The following MCTP1 variants were observed in gnomAD, a reference collection of about 807,000 sequenced individuals.
The protein encoded by MCTP1 is multiple C2 and transmembrane domain-containing protein 1.
Under a neutral mutation model 120.6 loss-of-function variants are expected in MCTP1, and 69 were observed. That is an observed-to-expected ratio of 0.57 (90% CI 0.47 to 0.70). The LOEUF is 0.70. Among genes scored for constraint, MCTP1 ranks in the 30% least tolerant of loss-of-function variants. The pLI is 0.00. For synonymous variants in MCTP1, 529 were observed against 493.1 expected, an observed-to-expected ratio of 1.07 and a Z score of -0.96; for missense variants, 1,203 against 1,248.8, an observed-to-expected ratio of 0.96 and a Z score of 0.55.
intron 1 of MCTP1, among the ~76,000 whole-genome samples, chr5:95,103,916 C>T (rs868203694): frequency 2.0e-5 from 3 of 152,072 alleles, no homozygotes; most frequent in South Asian, 2.1e-4. Flanking sequence ...AAAGGTTAAA[C>T]GTGTAAGATT....
At chr5:95,185,798 C>T (rs1423718504) in intron 1 of MCTP1, among the ~76,000 whole-genome samples, 1 of 152,038 alleles carries the variant, frequency 6.6e-6, no homozygotes, top group Non-Finnish European at 1.5e-5. Context: ...GAGTTTGAGA[C>T]CAGCCTGGCC....
At chr5:94,798,944 A>G in intron 18 of MCTP1, 69 bp downstream of exon 18, 1 of 1,518,382 alleles carries the variant, frequency 6.6e-7, no homozygotes, top group South Asian at 1.2e-5. Context: ...GCCAAATTCA[A>G]TGTTGATCTT....
intron 8 of MCTP1, among the ~76,000 whole-genome samples, chr5:94,913,374 G>T (rs1318172663): frequency 2.6e-5 from 4 of 152,114 alleles, no homozygotes; most frequent in Non-Finnish European, 5.9e-5. Flanking sequence ...ACTATTTATG[G>T]TGTTTGAAGA....
intron 2 of MCTP1, among the ~76,000 whole-genome samples, chr5:94,988,152 T>C (rs191972035): frequency 1.9e-4 from 29 of 152,326 alleles, no homozygotes; most frequent in Non-Finnish European, 3.2e-4. Flanking sequence ...TACTTTAACA[T>C]TGTTTCACTA....
intron 1 of MCTP1, among the ~76,000 whole-genome samples, chr5:95,049,050 T>A (rs1045571517): frequency 2.6e-5 from 4 of 152,154 alleles, no homozygotes; most frequent in Non-Finnish European, 5.9e-5. Context: ...CTTTCTGGCA[T>A]TATTTTGATC....
rs570516369 is a variant in MCTP1 at position 94,837,473 on chromosome 5, C to T, written c.2436+30860G>A. On this transcript the variant is annotated intron_variant, in intron 17 of 22. Transcript: ENST00000515393. ...TACTTCAGAGTTATGGATCCCTAGA[C>T]AAATTACTTCACTCCTCTGCCCCTT... Among the ~76,000 whole-genome samples the T allele has an allele frequency of 5.9e-5, 9 of 152,290 alleles. No homozygotes were observed. The East Asian group carries it at 1.7e-3, about 29-fold the overall frequency.
intron 1 of MCTP1, among the ~76,000 whole-genome samples, chr5:95,231,856 G>T (rs1047980157): frequency 1.3e-5 from 2 of 152,076 alleles, no homozygotes; most frequent in East Asian, 1.9e-4. Flanking sequence ...CTATTGTAAG[G>T]TTCTTATATT....
At chr5:94,891,160 G>A (rs1169486626) in intron 11 of MCTP1, among the ~76,000 whole-genome samples, 13 of 151,724 alleles carry the variant, frequency 8.6e-5, no homozygotes, top group Admixed American at 8.5e-4. Flanking sequence ...TTTTATAAGA[G>A]TGTTTAGCAT....
chr5:94,977,378 T>C (rs934769526), intron 2 of MCTP1, among the ~76,000 whole-genome samples: 5 of 152,034 alleles, frequency 3.3e-5, no homozygotes, highest in African/African-American at 1.2e-4. Context: ...TGGAATATTG[T>C]TAAAATGTAC....
At chr5:95,071,999 G>A (rs148979544) in intron 1 of MCTP1, among the ~76,000 whole-genome samples, 72 of 152,018 alleles carry the variant, frequency 4.7e-4, no homozygotes, top group Non-Finnish European at 8.4e-4. Flanking sequence ...TTTTCCTTTA[G>A]AGTAAACAAG....
At chr5:95,101,746 T>C (rs1441196877) in intron 1 of MCTP1, among the ~76,000 whole-genome samples, 3 of 152,242 alleles carry the variant, frequency 2.0e-5, no homozygotes, top group Non-Finnish European at 4.4e-5. Flanking sequence ...GAATGCCTTC[T>C]GCTGGTCACA....
chr5:95,278,434 T>C (rs925475936), intron 1 of MCTP1, among the ~76,000 whole-genome samples: 2 of 152,206 alleles, frequency 1.3e-5, no homozygotes, highest in East Asian at 3.8e-4. Context: ...GTATGGTTTA[T>C]ACTCTAGTTT....
intron 5 of MCTP1, among the ~76,000 whole-genome samples, chr5:94,935,444 T>C (rs1441210545): frequency 1.3e-5 from 2 of 152,064 alleles, no homozygotes; most frequent in Non-Finnish European, 2.9e-5. Context: ...CACTTTGTAA[T>C]GCTAAGGACT....
intron 16 of MCTP1, 78 bp downstream of exon 16, chr5:94,870,339 G>A (rs1797604625): frequency 1.0e-6 from 1 of 998,824 alleles, no homozygotes; most frequent in Non-Finnish European, 1.5e-6. Flanking sequence ...TACCTTTAAA[G>A]TTTATTTGAA....
chr5:94,805,458 C>G (rs1412221785), intron 17 of MCTP1, among the ~76,000 whole-genome samples: 1 of 152,018 alleles, frequency 6.6e-6, no homozygotes, highest in African/African-American at 2.4e-5. Context: ...GAGACCTCGT[C>G]TCTACTAAAA....
chr5:95,229,275 G>T (rs1276760535), intron 1 of MCTP1, among the ~76,000 whole-genome samples: 1 of 152,122 alleles, frequency 6.6e-6, no homozygotes, highest in Admixed American at 6.5e-5. Flanking sequence ...CAGCAATGAG[G>T]TGACTTGACA....
At chr5:94,902,004 A>C (rs988411148) in intron 10 of MCTP1, among the ~76,000 whole-genome samples, 42 of 152,194 alleles carry the variant, frequency 2.8e-4, no homozygotes, top group Admixed American at 2.7e-3. Flanking sequence ...TAGGAGCTTC[A>C]TGGCTAACAC....
intron 1 of MCTP1, among the ~76,000 whole-genome samples, chr5:95,101,111 T>G (rs1372979407): frequency 2.0e-5 from 3 of 152,046 alleles, no homozygotes; most frequent in Non-Finnish European, 4.4e-5. Context: ...CCAAACAAAC[T>G]ATGACTCTAT....
At chr5:94,909,691 G>A (rs528843259) in intron 9 of MCTP1, among the ~76,000 whole-genome samples, 4 of 152,014 alleles carry the variant, frequency 2.6e-5, no homozygotes, top group East Asian at 3.9e-4. Context: ...TAGCTCACTC[G>A]GATACTAGCA....
Sources: allele counts gnomAD v4.1 joint callset (sites outside exome capture counted in the v4.1 genomes callset), GRCh38; gene constraint gnomAD v4.1.1; transcripts MANE v1.5; gene names NCBI Gene and HGNC (gene_info 2026-07-23, HGNC 2026-07-21).